Variants in ASB4 observed in about 807,000 individuals in gnomAD.
ASB4 encodes ankyrin repeat and SOCS box protein 4.
Under a neutral mutation model 38.6 loss-of-function variants are expected in ASB4, and 35 were observed. That is an observed-to-expected ratio of 0.91 (90% CI 0.69 to 1.20). The LOEUF is 1.20. Ranked by LOEUF, ASB4 falls within the 50% of genes most tolerant of loss-of-function variation. The pLI, the probability that ASB4 is intolerant of heterozygous loss-of-function variation, is 0.00. For synonymous variants in ASB4, 195 were observed against 201.3 expected, an observed-to-expected ratio of 0.97 and a Z score of 0.26; for missense variants, 557 against 527.2, an observed-to-expected ratio of 1.06 and a Z score of -0.55.
upstream of ASB4, among the ~76,000 whole-genome samples, chr7:95,478,021 C>T (rs1789992877): frequency 1.3e-5 from 2 of 152,050 alleles, no homozygotes. Flanking sequence ...ACTGATGAAT[C>T]TTTGCAATTG....
At position 95,537,920 on chromosome 7, in the gene ASB4, G is replaced by A. The variant is rs1790918476; in HGVS notation, c.*161G>A. The A allele has an allele frequency of 3.9e-5, 23 of 595,684 alleles. No individual in the cohort carries two copies. The highest frequency in any genetic ancestry group is 7.9e-5 in the South Asian group (3 of 37,842). The allele number at this position is 595,684 out of a possible 1,614,324, so 36.9% of individuals were successfully genotyped here. On this transcript the variant is annotated 3_prime_UTR_variant, in exon 5 of 5. Transcript: ENST00000325885. The stretch of plus-strand genomic sequence containing the variant: ...TTAATCCTAGAATATCATGGTATGG[G>A]GAAATAAAGAAGAAGTAAAGTTAAG...
chr7:95,517,718 C>T (rs1790603918), intron 2 of ASB4, among the ~76,000 whole-genome samples: 1 of 151,948 alleles, frequency 6.6e-6, no homozygotes, highest in Non-Finnish European at 1.5e-5. Flanking sequence ...TAGTGATCTT[C>T]GTCTGAGCAG....
chr7:95,511,020 T>G (rs1790471921), intron 2 of ASB4, among the ~76,000 whole-genome samples: 1 of 152,204 alleles, frequency 6.6e-6, no homozygotes, highest in African/African-American at 2.4e-5. Context: ...CTTTGTCATC[T>G]CTGTAAGTAA....
chr7:95,504,596 A>G (rs187308184), intron 2 of ASB4, among the ~76,000 whole-genome samples: 1 of 152,340 alleles, frequency 6.6e-6, no homozygotes, highest in African/African-American at 2.4e-5. Flanking sequence ...CCACCTGTGC[A>G]ATATGAATTT....
chr7:95,493,706 T>C (rs1379599617), intron 1 of ASB4, among the ~76,000 whole-genome samples: 1 of 152,152 alleles, frequency 6.6e-6, no homozygotes, highest in Non-Finnish European at 1.5e-5. Context: ...CCAGTTCTTC[T>C]TGGAGGCCAC....
downstream of ASB4, among the ~76,000 whole-genome samples, chr7:95,544,989 G>A (rs1791013251): frequency 6.6e-6 from 1 of 151,788 alleles, no homozygotes; most frequent in South Asian, 2.1e-4. Flanking sequence ...TGCCCAGCCA[G>A]ATATGACAGG....
intron 2 of ASB4, among the ~76,000 whole-genome samples, chr7:95,509,379 C>A (rs965290308): frequency 5.3e-5 from 8 of 152,292 alleles, no homozygotes; most frequent in Non-Finnish European, 1.0e-4. Flanking sequence ...GAGCTTGGAA[C>A]ACAGCAAAGC....
chr7:95,499,900 G>T (rs1282005715), intron 2 of ASB4, among the ~76,000 whole-genome samples: 8 of 117,666 alleles, frequency 6.8e-5, no homozygotes, highest in Admixed American at 4.6e-4. Context: ...TTGAGACGGA[G>T]TCTCGCTTTG....
upstream of ASB4, among the ~76,000 whole-genome samples, chr7:95,477,010 A>C (rs1197446205): frequency 6.6e-6 from 1 of 152,246 alleles, no homozygotes; most frequent in Non-Finnish European, 1.5e-5. Flanking sequence ...GGAAAATATG[A>C]TCAGGAAAGA....
intron 2 of ASB4, among the ~76,000 whole-genome samples, chr7:95,520,483 A>C (rs1326953084): frequency 6.6e-6 from 1 of 152,200 alleles, no homozygotes; most frequent in African/African-American, 2.4e-5. Context: ...ATCAAAAGTA[A>C]ATAAGTTGAG....
intron 1 of ASB4, among the ~76,000 whole-genome samples, chr7:95,479,517 G>A (rs1790006453): frequency 6.6e-6 from 1 of 152,132 alleles, no homozygotes; most frequent in Non-Finnish European, 1.5e-5. Context: ...TTGTGGCCAT[G>A]CCCCCAAATC....
chr7:95,495,710 T>C (rs1790234944), intron 1 of ASB4, 48 bp from the exon 2 acceptor site: 3 of 1,527,928 alleles, frequency 2.0e-6, no homozygotes, highest in East Asian at 2.3e-5. Context: ...GGAGAAAGCC[T>C]AGGTCAAGAA....
At chr7:95,479,110 T>G (rs990602672) in intron 1 of ASB4, among the ~76,000 whole-genome samples, 1 of 152,170 alleles carries the variant, frequency 6.6e-6, no homozygotes, top group Non-Finnish European at 1.5e-5. Flanking sequence ...CCCTAAAGGC[T>G]GAGGAGTGTG....
chr7:95,528,712 C>T (rs1318037893), intron 3 of ASB4: 3 of 1,056,346 alleles, frequency 2.8e-6, no homozygotes, highest in Non-Finnish European at 3.4e-6. Flanking sequence ...GAAAGGGCCA[C>T]CCGATTTTCC....
intron 1 of ASB4, among the ~76,000 whole-genome samples, chr7:95,494,353 C>T (rs1348626644): frequency 1.3e-5 from 2 of 152,196 alleles, no homozygotes; most frequent in African/African-American, 4.8e-5. Flanking sequence ...CTGGACACTA[C>T]ACTTTTATTA....
At chr7:95,476,145 C>T (rs1240639868), upstream of ASB4, among the ~76,000 whole-genome samples, 1 of 152,190 alleles carries the variant, frequency 6.6e-6, no homozygotes, top group African/African-American at 2.4e-5. Flanking sequence ...TTTCATTCGT[C>T]TATAAGTTCT....
exon 1 of ASB4, chr7:95,478,489 T>G (rs1381033466): frequency 6.6e-6 from 1 of 152,216 alleles, no homozygotes; most frequent in African/African-American, 2.4e-5. Flanking sequence ...AGTGCTTGGT[T>G]ACTGCTTATG....
intron 2 of ASB4, among the ~76,000 whole-genome samples, chr7:95,503,673 G>A (rs1485077081): frequency 1.3e-5 from 2 of 152,160 alleles, no homozygotes; most frequent in African/African-American, 4.8e-5. Context: ...CTGGACAGAG[G>A]GAATTGAGAC....
At chr7:95,509,587 C>T (rs1184750971) in intron 2 of ASB4, among the ~76,000 whole-genome samples, 2 of 152,122 alleles carry the variant, frequency 1.3e-5, no homozygotes, top group Non-Finnish European at 2.9e-5. Flanking sequence ...TATCTTTGTG[C>T]GTCAGTCCTC....
Sources: allele counts gnomAD v4.1 joint callset (sites outside exome capture counted in the v4.1 genomes callset), GRCh38; gene constraint gnomAD v4.1.1; transcripts MANE v1.5; gene names NCBI Gene and HGNC (gene_info 2026-07-23, HGNC 2026-07-21).